Variants in PCDH11X observed in about 807,000 individuals in gnomAD.
PCDH11X encodes the protein protocadherin 11 X-linked.
In PCDH11X, 18 loss-of-function variants were observed where a neutral mutation model predicts 53.3. That is an observed-to-expected ratio of 0.34 (90% CI 0.23 to 0.50). The LOEUF (loss-of-function observed/expected upper bound fraction) is 0.50, where lower values mean the gene tolerates loss of function less well. PCDH11X is among the 20% of genes least tolerant of loss of function. The pLI is 0.98. For synonymous variants in PCDH11X, 279 were observed against 393.3 expected (o/e 0.71, Z 3.44); for missense variants, 570 against 1,032.4 (o/e 0.55, Z 6.14).
chrX:91,819,195 C>A (rs1936550333), intron 4 of PCDH11X, among the ~76,000 whole-genome samples: 1 of 108,897 alleles, frequency 9.2e-6, no homozygotes, highest in African/African-American at 3.4e-5. Context: ...ATGGAATATG[C>A]TGAATGAAGG....
At chrX:92,121,784 G>A (rs1397257190) in intron 6 of PCDH11X, among the ~76,000 whole-genome samples, 1 of 109,268 alleles carries the variant, frequency 9.2e-6, no homozygotes, top group East Asian at 2.9e-4. Flanking sequence ...GGAGTACAGT[G>A]GCGCGATCTC....
chrX:91,922,083 G>C (rs1941762963), intron 6 of PCDH11X, among the ~76,000 whole-genome samples: 1 of 110,876 alleles, frequency 9.0e-6, no homozygotes, highest in African/African-American at 3.3e-5. Context: ...TAGTAGTTAT[G>C]AAATGAGTCA....
At chrX:92,603,284 TCTATC>T (rs1290375274) in intron 10 of PCDH11X, among the ~76,000 whole-genome samples, 1 of 108,703 alleles carries the variant, frequency 9.2e-6, no homozygotes, top group Non-Finnish European at 1.9e-5. Flanking sequence ...TATTTTTTAT[TCTATC>T]TGACAATGTT....
At chrX:91,946,986 A>G in intron 6 of PCDH11X, among the ~76,000 whole-genome samples, 1 of 104,901 alleles carries the variant, frequency 9.5e-6, no homozygotes, top group East Asian at 3.1e-4. Flanking sequence ...CACCTAATGC[A>G]CAGGAATCCC....
intron 10 of PCDH11X, among the ~76,000 whole-genome samples, chrX:92,563,396 C>T (rs1269646032): frequency 9.3e-6 from 1 of 108,023 alleles, no homozygotes; most frequent in Non-Finnish European, 1.9e-5. Context: ...ATGGTTCAAT[C>T]ACCTCCCTCC....
intron 6 of PCDH11X, among the ~76,000 whole-genome samples, chrX:92,182,148 G>C (rs920450205): frequency 7.1e-5 from 8 of 112,392 alleles, no homozygotes; most frequent in African/African-American, 2.3e-4. Context: ...TCTTGCATCA[G>C]TGTGAGCTGG....
At chrX:91,939,147 G>A (rs2061479658) in intron 6 of PCDH11X, among the ~76,000 whole-genome samples, 1 of 110,795 alleles carries the variant, frequency 9.0e-6, no homozygotes, top group South Asian at 3.8e-4. Flanking sequence ...AGATACATAA[G>A]ATATTAAAAA....
chrX:92,285,840 A>G (rs901553606), intron 8 of PCDH11X, among the ~76,000 whole-genome samples: 4 of 111,246 alleles, frequency 3.6e-5, no homozygotes, highest in African/African-American at 9.8e-5. Flanking sequence ...ACAGAGATTT[A>G]CCCACATATT....
chrX:92,422,256 C>T (rs1308011451), intron 9 of PCDH11X, among the ~76,000 whole-genome samples: 2 of 107,957 alleles, frequency 1.9e-5, no homozygotes, highest in African/African-American at 3.4e-5. Context: ...TTGGTACACA[C>T]ATCACCCCAG....
intron 7 of PCDH11X, among the ~76,000 whole-genome samples, chrX:92,210,970 T>C (rs2066574205): frequency 8.9e-6 from 1 of 111,869 alleles, no homozygotes; most frequent in Admixed American, 9.5e-5. Context: ...CTCATCTTCC[T>C]GTCTTCTTCC....
At chrX:92,330,292 T>G (rs922721755) in intron 8 of PCDH11X, among the ~76,000 whole-genome samples, 48 of 111,261 alleles carry the variant, frequency 4.3e-4, no homozygotes, top group African/African-American at 1.5e-3. Flanking sequence ...GTAAAAGAAC[T>G]GTGAACAGTC....
chrX:92,583,234 G>C (rs1387883840), intron 10 of PCDH11X, among the ~76,000 whole-genome samples: 1 of 105,629 alleles, frequency 9.5e-6, no homozygotes, highest in African/African-American at 3.5e-5. Context: ...TGAGTAGCTG[G>C]GATTACAGGC....
chrX:92,138,638 G>A (rs983598190), intron 6 of PCDH11X, among the ~76,000 whole-genome samples: 7 of 110,354 alleles, frequency 6.3e-5, no homozygotes, highest in African/African-American at 2.3e-4. Context: ...GTAATTATTA[G>A]TTCTTATATT....
At chrX:92,364,662 C>T (rs1379074260) in intron 8 of PCDH11X, among the ~76,000 whole-genome samples, 4 of 109,876 alleles carry the variant, frequency 3.6e-5, no homozygotes, top group Admixed American at 2.9e-4. Flanking sequence ...TCTTTTACCT[C>T]GTAAACTTTT....
intron 8 of PCDH11X, among the ~76,000 whole-genome samples, chrX:92,288,390 CTTTTTT>C (rs756662629): frequency 1.1e-5 from 1 of 94,819 alleles, no homozygotes; most frequent in Non-Finnish European, 2.1e-5. Flanking sequence ...TTAGTTACTT[CTTTTTT>C]TTTTTTTTTT....
chrX:91,853,819 A>T (rs1292934578), intron 5 of PCDH11X, among the ~76,000 whole-genome samples: 1 of 111,463 alleles, frequency 9.0e-6, no homozygotes, highest in African/African-American at 3.3e-5. Context: ...CTTGAATTTT[A>T]TAGTGTTTTT....
intron 8 of PCDH11X, among the ~76,000 whole-genome samples, chrX:92,329,280 G>A (rs1359659071): frequency 1.8e-5 from 2 of 111,171 alleles, no homozygotes; most frequent in African/African-American, 6.5e-5. Context: ...TAGAAGAGAA[G>A]CGTTGCAACA....
At chrX:92,113,197 C>T (rs1288603550) in intron 6 of PCDH11X, 10 of 1,146,670 alleles carry the variant, frequency 8.7e-6, no homozygotes, top group Middle Eastern at 3.5e-4. Context: ...CTCCTCAGCC[C>T]CCCGAGATTG....
intron 8 of PCDH11X, among the ~76,000 whole-genome samples, chrX:92,293,950 T>A (rs1239044917): frequency 9.1e-6 from 1 of 110,088 alleles, no homozygotes; most frequent in Non-Finnish European, 1.9e-5. Flanking sequence ...AAAAATTAGT[T>A]AATAATAGTG....
Sources: gnomAD v4.1 joint callset for allele counts (sites outside exome capture counted in the v4.1 genomes callset) on GRCh38, gnomAD v4.1.1 for gene constraint, MANE v1.5 for transcripts, NCBI Gene and HGNC (gene_info 2026-07-23, HGNC 2026-07-21) for gene names.